GALNT13: variants seen among roughly 807,000 people sequenced by gnomAD.
The protein encoded by GALNT13 is UDP-GalNAc:polypeptide N-acetylgalactosaminyltransferase 13.
A neutral mutation model predicts 64.2 loss-of-function variants in GALNT13; 28 were observed. The ratio of observed to expected loss-of-function variants is 0.44; its 90% CI spans 0.32 to 0.60. The LOEUF is 0.60. Among genes scored for constraint, GALNT13 ranks in the 20% least tolerant of loss-of-function variants. GALNT13 has a pLI of 0.05. For missense variants in GALNT13, 577 were observed against 669.8 expected (o/e 0.86, Z 1.53); for synonymous variants, 214 against 224.6 (o/e 0.95, Z 0.42).
chr2:154,293,689 T>C (rs531579291), intron 8 of GALNT13, among the ~76,000 whole-genome samples: 37 of 152,296 alleles, frequency 2.4e-4, no homozygotes, highest in African/African-American at 8.9e-4. Context: ...AAATTCTGTT[T>C]GCTTATTTCA....
At chr2:153,759,354 G>A in the GALNT13 span, among the ~76,000 whole-genome samples, 304 of 152,270 alleles carry the variant, frequency 2.0e-3, 3 homozygotes, top group Middle Eastern at 6.8e-3. Flanking sequence ...TAGTGAAGAG[G>A]TGAAATTAGA....
chr2:154,051,991 A>AT (rs970770291), intron 3 of GALNT13, among the ~76,000 whole-genome samples: 65 of 148,880 alleles, frequency 4.4e-4, no homozygotes, highest in South Asian at 6.4e-4. Flanking sequence ...AAAGTGGTGA[A>AT]TTTTTTTTTT....
chr2:153,314,697 C>T, the GALNT13 span, among the ~76,000 whole-genome samples: 5 of 146,726 alleles, frequency 3.4e-5, no homozygotes, highest in South Asian at 1.1e-3. Flanking sequence ...AAGAAGAAAC[C>T]ACAGGGAAAT....
At chr2:154,358,586 G>C (rs1696883376) in intron 9 of GALNT13, among the ~76,000 whole-genome samples, 1 of 151,814 alleles carries the variant, frequency 6.6e-6, no homozygotes, top group African/African-American at 2.4e-5. Context: ...TACTACAAAG[G>C]AAAATCATAT....
chr2:153,515,899 G>A, the GALNT13 span, among the ~76,000 whole-genome samples: 1 of 152,176 alleles, frequency 6.6e-6, no homozygotes, highest in Non-Finnish European at 1.5e-5. Flanking sequence ...AGGCTGGATA[G>A]ATTAGGTGCC....
intron 4 of GALNT13, among the ~76,000 whole-genome samples, chr2:154,205,247 A>G (rs1687377268): frequency 6.6e-6 from 1 of 152,174 alleles, no homozygotes; most frequent in African/African-American, 2.4e-5. Context: ...GGCTAAAGTA[A>G]TGGTATTCAC....
Position 154,394,077 on chromosome 2 carries a change from CAAAAAAAAA to C in GALNT13, c.1157-1895_1157-1887del, listed in dbSNP as rs369267777. 8.7e-4 allele frequency among the ~76,000 whole-genome samples: 28 copies of C among 32,008 alleles called. 1 individual carries two copies. Among genetic ancestry groups the C allele is most frequent in the Middle Eastern group, 0.038 (1 of 26 alleles). 21.0% of individuals were successfully genotyped at this position (32,008 alleles called of 152,430 possible). A position where few individuals can be genotyped will look rare whatever the true frequency, so the allele number is the denominator to read the frequency against. The stretch of plus-strand genomic sequence containing the variant: ...TGGGCGACAGAGCGAGACTCCGTCT[CAAAAAAAAA>C]AAAAAAAAAAAAAAAAAAGGTATGC... On this transcript the variant is annotated intron_variant, in intron 9 of 12. Coordinates refer to ENST00000392825, the MANE Select transcript of GALNT13 (RefSeq NM_052917.4).
the GALNT13 span, among the ~76,000 whole-genome samples, chr2:153,643,217 T>C: frequency 1.3e-5 from 2 of 151,306 alleles, no homozygotes; most frequent in African/African-American, 4.8e-5. Flanking sequence ...GAAAAAACAC[T>C]TTTCTGTAAT....
the GALNT13 span, chr2:153,370,539 T>C: frequency 6.6e-6 from 1 of 152,166 alleles, no homozygotes; most frequent in African/African-American, 2.4e-5. Context: ...ATGAATGATA[T>C]AGTAGACTTA....
chr2:153,829,440 TTG>T, the GALNT13 span, among the ~76,000 whole-genome samples: 2,928 of 152,082 alleles, frequency 0.019, 98 homozygotes, highest in African/African-American at 0.067. Context: ...GAGAGAGAGC[TTG>T]TGCAGGGAAA....
chr2:154,173,486 G>T (rs1685479559), intron 4 of GALNT13, among the ~76,000 whole-genome samples: 1 of 151,888 alleles, frequency 6.6e-6, no homozygotes, highest in Non-Finnish European at 1.5e-5. Flanking sequence ...CCAGGATATT[G>T]TTCTGGAAAG....
the GALNT13 span, among the ~76,000 whole-genome samples, chr2:153,069,793 C>G: frequency 6.6e-6 from 1 of 152,158 alleles, no homozygotes; most frequent in Non-Finnish European, 1.5e-5. Context: ...ATGGACATAA[C>G]TTTGAAACTG....
At chr2:154,173,325 CATTTA>C (rs2105706951) in intron 4 of GALNT13, among the ~76,000 whole-genome samples, 1 of 151,526 alleles carries the variant, frequency 6.6e-6, no homozygotes, top group Admixed American at 6.6e-5. Flanking sequence ...AAAAACAAAT[CATTTA>C]ATTTGATTTT....
chr2:153,118,487 G>A, the GALNT13 span, among the ~76,000 whole-genome samples: 4 of 152,100 alleles, frequency 2.6e-5, no homozygotes, highest in African/African-American at 9.7e-5. Flanking sequence ...CCACATTGGG[G>A]TACAATTATC....
chr2:154,281,737 A>T (rs1691973478), intron 8 of GALNT13, among the ~76,000 whole-genome samples: 1 of 152,080 alleles, frequency 6.6e-6, no homozygotes, highest in Non-Finnish European at 1.5e-5. Context: ...TCTTAAACAC[A>T]TCCTCTCCTT....
rs142121215 is a variant in GALNT13, at chr2:154,116,946, T to C, written c.143-23391T>C. ...TACGTATTCACTCACACACTCGCAATGTCCCACAGTAGGCCAGCTGCAAGC... is the reference window on the plus strand; with the variant it reads ...TACGTATTCACTCACACACTCGCAACGTCCCACAGTAGGCCAGCTGCAAGC... On this transcript the variant is annotated intron_variant, in intron 3 of 12. Coordinates refer to ENST00000392825, the MANE Select transcript of GALNT13 (RefSeq NM_052917.4). 8.1e-3 allele frequency among the ~76,000 whole-genome samples: 1,233 copies of C among 152,244 alleles called. 14 individuals carry two copies. Among genetic ancestry groups the C allele is most frequent in the African/African-American group, 0.028 (1,145 of 41,546 alleles).
the GALNT13 span, among the ~76,000 whole-genome samples, chr2:153,484,007 T>A: frequency 6.6e-6 from 1 of 152,148 alleles, no homozygotes; most frequent in South Asian, 2.1e-4. Flanking sequence ...ATTGTACATA[T>A]AAAAATTGTT....
chr2:153,416,879 A>C, the GALNT13 span, among the ~76,000 whole-genome samples: 1 of 152,210 alleles, frequency 6.6e-6, no homozygotes, highest in Non-Finnish European at 1.5e-5. Context: ...CTGAATCCTG[A>C]ATCAGTTGTG....
the GALNT13 span, among the ~76,000 whole-genome samples, chr2:153,104,006 T>C: frequency 1.3e-5 from 2 of 152,178 alleles, no homozygotes; most frequent in African/African-American, 2.4e-5. Context: ...TGAAGAGTAA[T>C]CTTCTTGAGG....
Sources: gnomAD v4.1 joint callset for allele counts (sites outside exome capture counted in the v4.1 genomes callset) on GRCh38, gnomAD v4.1.1 for gene constraint, MANE v1.5 for transcripts, NCBI Gene and HGNC (gene_info 2026-07-23, HGNC 2026-07-21) for gene names.